The following AUTS2 variants were observed in gnomAD, a reference collection of about 807,000 sequenced individuals.
AUTS2 encodes the protein activator of transcription and developmental regulator AUTS2, also known as autism susceptibility gene 2 protein.
In AUTS2, 17 loss-of-function variants were observed where a neutral mutation model predicts 112.4. That is an observed-to-expected ratio of 0.15 (90% CI 0.10 to 0.23). The LOEUF is 0.23. AUTS2 is among the 10% of genes least tolerant of loss of function. The probability of loss-of-function intolerance (pLI) is 1.00; values close to 1 mark genes in which losing one functional copy is unlikely to be tolerated. For synonymous variants in AUTS2, 751 were observed against 702.7 expected, an observed-to-expected ratio of 1.07 and a Z score of -1.09; for missense variants, 1,510 against 1,701.6, an observed-to-expected ratio of 0.89 and a Z score of 1.98.
At chr7:69,741,963 T>A (rs1423010325) in intron 1 of AUTS2, among the ~76,000 whole-genome samples, 2 of 152,002 alleles carry the variant, frequency 1.3e-5, no homozygotes, top group Non-Finnish European at 2.9e-5. Flanking sequence ...CTTGGCTAAT[T>A]TAAAAAATTT....
chr7:70,708,118 T>C (rs1030505114), intron 6 of AUTS2, among the ~76,000 whole-genome samples: 1 of 152,130 alleles, frequency 6.6e-6, no homozygotes, highest in Non-Finnish European at 1.5e-5. Flanking sequence ...GAAAACATTT[T>C]CCCCCTCTTA....
At position 70,125,803 on chromosome 7, in the gene AUTS2, G is replaced by A. The variant is rs59407568; in HGVS notation, c.624+7570G>A. On this transcript the variant is annotated intron_variant, in intron 3 of 18. Transcript: ENST00000342771. ...CTCAAATATTATTGTCCTTTACTCT[G>A]TCTTACCCAATTTCTAAAAACTCCT... is the stretch of plus-strand genomic sequence containing the variant. Among the ~76,000 whole-genome samples the A allele has an allele frequency of 7.8e-3, 1,184 of 152,252 alleles. 19 individuals carry two copies. Among genetic ancestry groups the A allele is most frequent in the African/African-American group, 0.027 (1,107 of 41,548 alleles).
chr7:70,142,929 C>T (rs1203138634), intron 4 of AUTS2, among the ~76,000 whole-genome samples: 1 of 152,174 alleles, frequency 6.6e-6, no homozygotes, highest in Admixed American at 6.5e-5. Context: ...CGGAGGTTTA[C>T]TCTGATTACC....
chr7:70,259,135 A>G (rs1787032532), intron 4 of AUTS2, among the ~76,000 whole-genome samples: 1 of 152,156 alleles, frequency 6.6e-6, no homozygotes, highest in Non-Finnish European at 1.5e-5. Context: ...TTGAGTGGAC[A>G]ATGAAGGCAA....
chr7:70,657,663 C>T lies in AUTS2; in HGVS notation c.691-40906C>T, dbSNP rs77832246. ...AATTTGCTGCTATTTTTTCCCCTAG[C>T]GTCACTCCTTCACTAAGGGATCTGA... On this transcript the variant is annotated intron_variant, in intron 5 of 18. Coordinates refer to ENST00000342771, the MANE Select transcript of AUTS2 (RefSeq NM_015570.4). 6.8e-3 allele frequency among the ~76,000 whole-genome samples: 1,037 copies of T among 152,270 alleles called. 13 individuals are homozygous for T. Among genetic ancestry groups the T allele is most frequent in the African/African-American group, 0.024 (987 of 41,528 alleles).
chr7:70,294,931 A>G (rs1788864366), intron 4 of AUTS2, among the ~76,000 whole-genome samples: 1 of 152,228 alleles, frequency 6.6e-6, no homozygotes, highest in South Asian at 2.1e-4. Flanking sequence ...CTTCCATTAT[A>G]GATCATGAAG....
At position 69,599,968 on chromosome 7, in the gene AUTS2, G is replaced by C. The variant is rs1482735677; in HGVS notation, c.309+6G>C. On this transcript the variant is annotated splice_donor_region_variant and intron_variant, in intron 1 of 18. Coordinates refer to ENST00000342771, the MANE Select transcript of AUTS2 (RefSeq NM_015570.4). The surrounding 1 kb of genome is among the most constrained non-coding windows in gnomAD (Gnocchi z 7.0). ...TCACTTTTGAAGCGCTGGAGGTAAGGGGGACCCCCCTTCCCCCGGGTTCCC... is the reference window on the plus strand; with the variant it reads ...TCACTTTTGAAGCGCTGGAGGTAAGCGGGACCCCCCTTCCCCCGGGTTCCC... The C allele has an allele frequency of 6.2e-7, 1 of 1,612,674 alleles. No homozygotes were observed. The highest frequency in any genetic ancestry group is 8.5e-7 in the Non-Finnish European group (1 of 1,179,644).
intron 2 of AUTS2, among the ~76,000 whole-genome samples, chr7:70,108,550 C>T (rs1804893305): frequency 6.6e-6 from 1 of 152,000 alleles, no homozygotes; most frequent in Non-Finnish European, 1.5e-5. Flanking sequence ...TATTGCTCCC[C>T]CTATCCCCTG....
chr7:70,628,964 C>T (rs573293252), intron 5 of AUTS2, among the ~76,000 whole-genome samples: 10 of 152,046 alleles, frequency 6.6e-5, no homozygotes, highest in Admixed American at 3.9e-4. Context: ...GTAAGGATGT[C>T]GGGAAGTGCC....
At chr7:70,157,858 T>C (rs1187956672) in intron 4 of AUTS2, among the ~76,000 whole-genome samples, 2 of 152,200 alleles carry the variant, frequency 1.3e-5, no homozygotes. Context: ...TGAGAACCAC[T>C]ACCTTAATAA....
chr7:70,676,291 G>C (rs1807907318), intron 5 of AUTS2, among the ~76,000 whole-genome samples: 1 of 151,026 alleles, frequency 6.6e-6, no homozygotes, highest in South Asian at 2.1e-4. Flanking sequence ...AATTAGCCTG[G>C]TGGGGTGGTG....
rs1032994152 is a variant in AUTS2, at chr7:70,694,493, CCCT to C, written c.691-4061_691-4059del. The C allele has an allele frequency of 1.3e-4, 19 of 148,730 alleles. No homozygotes were observed. The highest frequency in any genetic ancestry group is 3.2e-4 in the African/African-American group (13 of 40,894). The allele number at this position is 148,730 out of a possible 1,614,324, so 9.2% of individuals were successfully genotyped here. On this transcript the variant is annotated intron_variant, in intron 5 of 18. Transcript: ENST00000342771. This position sits in a 1 kb window ranked among gnomAD's most constrained non-coding sequence, Gnocchi z 4.1. ...GCCGCCGGGGAGAAGCCGCCGCGCG[CCCT>C]CCTCCTCCTCCTCCCTCTCCCTCCT...
chr7:70,469,731 C>A (rs186391977), intron 5 of AUTS2, among the ~76,000 whole-genome samples: 2 of 152,206 alleles, frequency 1.3e-5, no homozygotes, highest in African/African-American at 4.8e-5. Flanking sequence ...ACCTCCACCT[C>A]CTGGGTTCAA....
chr7:70,026,620 C>T (rs10259028), intron 2 of AUTS2, among the ~76,000 whole-genome samples: 16,762 of 152,134 alleles, frequency 0.11, 1,445 homozygotes, highest in African/African-American at 0.24. Flanking sequence ...TGAGTTTTGT[C>T]TCGACAAGTT....
At position 70,181,422 on chromosome 7, in the gene AUTS2, T is replaced by C. The variant is rs1809294060; in HGVS notation, c.660+46851T>C. Reference sequence around the variant, plus strand: ...ATTCTGTTGTAGGAGTCTTCTCACCTATCTTCTTATTTTTATTTCACTCCT... The same window carrying C: ...ATTCTGTTGTAGGAGTCTTCTCACCCATCTTCTTATTTTTATTTCACTCCT... On this transcript the variant is annotated intron_variant, in intron 4 of 18. Transcript: ENST00000342771. Among the ~76,000 whole-genome samples, 3 of 152,174 alleles carry C rather than the reference T, an allele frequency of 2.0e-5. 1 individual carries two copies. In the South Asian group the frequency reaches 6.2e-4, roughly 31 times the overall value.
intron 5 of AUTS2, among the ~76,000 whole-genome samples, chr7:70,583,150 A>G (rs1802528248): frequency 1.3e-5 from 2 of 152,222 alleles, no homozygotes; most frequent in South Asian, 4.1e-4. Context: ...AGTCTCCAGA[A>G]GTGTTTTACA....
At chr7:70,061,766 T>G (rs899351959) in intron 2 of AUTS2, among the ~76,000 whole-genome samples, 1 of 151,920 alleles carries the variant, frequency 6.6e-6, no homozygotes, top group African/African-American at 2.4e-5. Flanking sequence ...GGGTGGAATT[T>G]AAGGGTTATT....
intron 2 of AUTS2, among the ~76,000 whole-genome samples, chr7:69,951,042 G>A (rs1584484094): frequency 6.6e-6 from 1 of 152,152 alleles, no homozygotes; most frequent in Non-Finnish European, 1.5e-5. Context: ...TGGATTTGGA[G>A]AAGGTTATAG....
chr7:70,338,833 CTTATTTATTTAT>C (rs60351906), intron 4 of AUTS2, among the ~76,000 whole-genome samples: 46 of 141,080 alleles, frequency 3.3e-4, no homozygotes, highest in South Asian at 4.7e-4. Flanking sequence ...AGCCTCATCT[CTTATTTATTTAT>C]TTATTTATTT....
Sources: gnomAD v4.1 joint callset for allele counts (sites outside exome capture counted in the v4.1 genomes callset) on GRCh38, gnomAD v4.1.1 for gene constraint, Gnocchi (gnomAD v3.1) non-coding constraint, MANE v1.5 for transcripts, NCBI Gene and HGNC (gene_info 2026-07-23, HGNC 2026-07-21) for gene names.